Variants in TRAPPC3L observed in about 807,000 individuals in gnomAD.
TRAPPC3L encodes the protein trafficking protein particle complex subunit 3-like protein.
A neutral mutation model predicts 23.7 loss-of-function variants in TRAPPC3L; 23 were observed. The observed-to-expected ratio is 0.97, with a 90% CI of 0.70 to 1.37. The LOEUF is 1.37. TRAPPC3L is among the 40% of genes most tolerant of loss of function. The pLI is 0.00. For synonymous variants in TRAPPC3L, 81 were observed against 77.9 expected, an observed-to-expected ratio of 1.04 and a Z score of -0.21; for missense variants, 212 against 216.8, an observed-to-expected ratio of 0.98 and a Z score of 0.14.
intron 3 of TRAPPC3L, among the ~76,000 whole-genome samples, chr6:116,506,177 A>AAAAC (rs1453786529): frequency 1.3e-5 from 2 of 151,872 alleles, no homozygotes; most frequent in Admixed American, 6.6e-5. Context: ...GTACAAGGAA[A>AAAAC]AAACAACCCC....
chr6:116,540,780 G>A (rs1773400913), intron 2 of TRAPPC3L, among the ~76,000 whole-genome samples: 2 of 152,034 alleles, frequency 1.3e-5, no homozygotes, highest in South Asian at 4.1e-4. Flanking sequence ...TTTCTCAGTG[G>A]CAGCTAATTT....
intron 3 of TRAPPC3L, among the ~76,000 whole-genome samples, chr6:116,538,177 CA>C (rs1324403856): frequency 6.6e-6 from 1 of 152,168 alleles, no homozygotes; most frequent in Non-Finnish European, 1.5e-5. Flanking sequence ...TGAGTCTCTT[CA>C]GAAGCTTTTC....
At chr6:116,521,742 A>G (rs1772347357) in intron 3 of TRAPPC3L, 1 of 152,264 alleles carries the variant, frequency 6.6e-6, no homozygotes, top group Non-Finnish European at 1.5e-5. Flanking sequence ...TCAAGTTGAC[A>G]TCTAAAATTA....
At chr6:116,503,851 C>A (rs1448009959) in intron 3 of TRAPPC3L, among the ~76,000 whole-genome samples, 2 of 152,056 alleles carry the variant, frequency 1.3e-5, no homozygotes, top group East Asian at 1.9e-4. Context: ...TGTACGAGAA[C>A]CTCCGGGACA....
chr6:116,536,930 C>T (rs894724730), intron 3 of TRAPPC3L, among the ~76,000 whole-genome samples: 3 of 152,112 alleles, frequency 2.0e-5, no homozygotes, highest in African/African-American at 4.8e-5. Flanking sequence ...GCCACAGGCC[C>T]GACGTTTGGA....
intron 3 of TRAPPC3L, chr6:116,517,585 A>T (rs1772253182): frequency 6.6e-6 from 1 of 152,186 alleles, no homozygotes; most frequent in Non-Finnish European, 1.5e-5. Context: ...CAAGTATAGG[A>T]CCCAGAACAT....
At chr6:116,514,141 A>G (rs1161724484) in intron 3 of TRAPPC3L, among the ~76,000 whole-genome samples, 1 of 152,024 alleles carries the variant, frequency 6.6e-6, no homozygotes, top group Non-Finnish European at 1.5e-5. Context: ...ACCAAGCTCT[A>G]GTTTGACTCT....
intron 3 of TRAPPC3L, among the ~76,000 whole-genome samples, chr6:116,534,935 G>A (rs1453463970): frequency 1.3e-5 from 2 of 152,078 alleles, no homozygotes; most frequent in Admixed American, 1.3e-4. Context: ...TGACAACAAA[G>A]TAATGTGATA....
At chr6:116,498,978 G>A (rs1485287496) in intron 4 of TRAPPC3L, among the ~76,000 whole-genome samples, 1 of 152,098 alleles carries the variant, frequency 6.6e-6, no homozygotes, top group Non-Finnish European at 1.5e-5. Context: ...TTCAATCCAT[G>A]TCTCTCTGTG....
At chr6:116,544,345 G>A (rs1773645784) in intron 1 of TRAPPC3L, among the ~76,000 whole-genome samples, 2 of 152,000 alleles carry the variant, frequency 1.3e-5, no homozygotes, top group Non-Finnish European at 2.9e-5. Flanking sequence ...TGATGGGTGG[G>A]CACTATTATA....
chr6:116,544,151 A>AAGAGAGAGACAG (rs1773627920), intron 1 of TRAPPC3L, among the ~76,000 whole-genome samples: 1 of 132,918 alleles, frequency 7.5e-6, no homozygotes, highest in East Asian at 2.3e-4. Flanking sequence ...AAAGGTGAAG[A>AAGAGAGAGACAG]AGAGAGAGAG....
Position 116,500,566 on chromosome 6 carries a change from T to C in TRAPPC3L, c.341A>G (p.Glu114Gly), listed in dbSNP as rs187329863. 9.7e-6 allele frequency: 15 copies of C among 1,551,630 alleles called. No individual in the cohort carries two copies. The African/African-American group carries it at 1.9e-4, about 20-fold the overall frequency. The change falls in exon 4 of 5, where the codon GAG becomes GGG. Residue 114 changes from glutamate (E) to glycine (G), a missense_variant. By Grantham distance (98) the Glu-to-Gly change is moderately conservative. Coordinates refer to ENST00000368602, the MANE Select transcript of TRAPPC3L (RefSeq NM_001139444.3). ...CCCAGCAGGGAGCTCTTCCACAAAC[T>C]CCACCAGGGGATTCTTCTCTAGAAT... ...SLILEKNPLV[E>G]FVEELPAGRS...
intron 3 of TRAPPC3L, among the ~76,000 whole-genome samples, chr6:116,508,216 C>T (rs1272712055): frequency 6.6e-6 from 1 of 151,888 alleles, no homozygotes. Context: ...CAGTCTGGCA[C>T]AGTACCTGGC....
At chr6:116,532,297 C>T (rs532366891) in intron 3 of TRAPPC3L, among the ~76,000 whole-genome samples, 6 of 152,226 alleles carry the variant, frequency 3.9e-5, no homozygotes, top group Admixed American at 3.3e-4. Flanking sequence ...AACGGGGTCT[C>T]GCTATATTGC....
In TRAPPC3L at chr6:116,495,120, A is replaced by G. The variant is rs1468937349; in HGVS notation, c.*1834T>C. The G allele has an allele frequency of 1.3e-5, 2 of 149,666 alleles. No individual in the cohort carries two copies. The highest frequency in any genetic ancestry group is 3.0e-5 in the Non-Finnish European group (2 of 67,418). The allele number at this position is 149,666 out of a possible 1,614,324, so 9.3% of individuals were successfully genotyped here. A position where few individuals can be genotyped will look rare whatever the true frequency, so the allele number is the denominator to read the frequency against. On this transcript the variant is annotated 3_prime_UTR_variant, in exon 5 of 5. Transcript: ENST00000368602. ...GCCCGACCCAGATCTTATTCATTCT[A>G]TCTAACTATATTTTTGTACCCATTA...
intron 3 of TRAPPC3L, 87 bp downstream of exon 3, chr6:116,540,276 C>A: frequency 3.2e-6 from 4 of 1,245,294 alleles, no homozygotes; most frequent in Non-Finnish European, 4.5e-6. Context: ...GCAGATGGAA[C>A]CTGTCCAATC....
At chr6:116,508,506 T>G (rs1772046389) in intron 3 of TRAPPC3L, among the ~76,000 whole-genome samples, 1 of 152,158 alleles carries the variant, frequency 6.6e-6, no homozygotes. Flanking sequence ...GCATAGAGAA[T>G]GGATTTAGGG....
chr6:116,506,571 T>G (rs1326597581), intron 3 of TRAPPC3L, among the ~76,000 whole-genome samples: 3 of 152,232 alleles, frequency 2.0e-5, no homozygotes, highest in Non-Finnish European at 2.9e-5. Context: ...ACATGTATGT[T>G]TATTATGGCA....
intron 1 of TRAPPC3L, among the ~76,000 whole-genome samples, chr6:116,544,620 T>G (rs1443858133): frequency 6.6e-6 from 1 of 152,186 alleles, no homozygotes; most frequent in Non-Finnish European, 1.5e-5. Context: ...AAATACATTT[T>G]AACTGCTTTA....
Sources: allele counts gnomAD v4.1 joint callset (sites outside exome capture counted in the v4.1 genomes callset), GRCh38; gene constraint gnomAD v4.1.1; transcripts MANE v1.5; gene names NCBI Gene and HGNC (gene_info 2026-07-23, HGNC 2026-07-21).